GABRG3: variants seen among roughly 807,000 people sequenced by gnomAD.
GABRG3 encodes the protein gamma-aminobutyric acid type A receptor subunit gamma3, also known as gamma-aminobutyric acid receptor subunit gamma-3.
Under a neutral mutation model 48.8 loss-of-function variants are expected in GABRG3, and 25 were observed. That is an observed-to-expected ratio of 0.51 (90% CI 0.37 to 0.72). The LOEUF is 0.72. Ranked by LOEUF, GABRG3 falls within the 30% of genes least tolerant of loss-of-function variation. The pLI, the probability that GABRG3 is intolerant of heterozygous loss-of-function variation, is 0.00. For synonymous variants in GABRG3, 227 were observed against 217.6 expected, an observed-to-expected ratio of 1.04 and a Z score of -0.38; for missense variants, 394 against 577.9, an observed-to-expected ratio of 0.68 and a Z score of 3.26.
At chr15:27,527,695 T>A in intron 8 of GABRG3, 66 bp downstream of exon 8, 2 of 1,391,332 alleles carry the variant, frequency 1.4e-6, no homozygotes, top group South Asian at 1.3e-5. Context: ...AGTGTGTACT[T>A]AAATGCAGTT....
chr15:27,052,783 C>T (rs1295875854), intron 3 of GABRG3, among the ~76,000 whole-genome samples: 1 of 152,070 alleles, frequency 6.6e-6, no homozygotes, highest in Admixed American at 6.6e-5. Flanking sequence ...ACTACATTAA[C>T]CAAAATAGCA....
chr15:27,281,524 G>T (rs966057273), intron 3 of GABRG3, among the ~76,000 whole-genome samples: 1 of 150,874 alleles, frequency 6.6e-6, no homozygotes, highest in Non-Finnish European at 1.5e-5. Context: ...TTTTTAGGGG[G>T]TATATCTTTT....
intron 3 of GABRG3, among the ~76,000 whole-genome samples, chr15:27,252,244 G>A (rs1890481298): frequency 6.6e-6 from 1 of 152,168 alleles, no homozygotes; most frequent in Non-Finnish European, 1.5e-5. Flanking sequence ...TCACCGATGT[G>A]TCCCTCTGTG....
chr15:27,084,258 G>T (rs1043055365), intron 3 of GABRG3, among the ~76,000 whole-genome samples: 2 of 152,232 alleles, frequency 1.3e-5, no homozygotes, highest in African/African-American at 4.8e-5. Context: ...AAATCCTGCG[G>T]TTCTGTGTCT....
chr15:27,215,404 G>A (rs568283027), intron 3 of GABRG3, among the ~76,000 whole-genome samples: 1 of 152,262 alleles, frequency 6.6e-6, no homozygotes, highest in African/African-American at 2.4e-5. Context: ...GCCAGGATTG[G>A]AGAGAAGCAA....
chr15:27,299,168 C>T lies in GABRG3; in HGVS notation c.271-27641C>T, dbSNP rs148764763. On this transcript the variant is annotated intron_variant, in intron 3 of 9. Coordinates refer to ENST00000615808, the MANE Select transcript of GABRG3 (RefSeq NM_033223.5). ...GTGTGGTGGCAGGTGCCTGTAATCC[C>T]AGTTACTCAGGAGGCTGAGGTAGGA... Among the ~76,000 whole-genome samples the T allele has an allele frequency of 8.5e-5, 13 of 152,208 alleles. No individual in the cohort carries two copies. In the East Asian group the frequency reaches 2.5e-3, roughly 29 times the overall value.
intron 5 of GABRG3, among the ~76,000 whole-genome samples, chr15:27,388,955 C>T (rs765497123): frequency 3.3e-5 from 5 of 152,086 alleles, no homozygotes; most frequent in Non-Finnish European, 7.4e-5. Context: ...TTACACAATC[C>T]AATATATTAG....
At chr15:27,327,621 C>T (rs997814560) in intron 4 of GABRG3, among the ~76,000 whole-genome samples, 33 of 152,160 alleles carry the variant, frequency 2.2e-4, no homozygotes, top group Admixed American at 2.1e-3. Context: ...CTAGCAATGA[C>T]GGGCCCTCTG....
chr15:27,197,710 A>G (rs1003347853), intron 3 of GABRG3, among the ~76,000 whole-genome samples: 1 of 152,164 alleles, frequency 6.6e-6, no homozygotes, highest in Non-Finnish European at 1.5e-5. Flanking sequence ...TACCTCTGGT[A>G]GAACTTGGCT....
At chr15:27,492,510 C>G (rs1316383535) in intron 6 of GABRG3, among the ~76,000 whole-genome samples, 1 of 152,160 alleles carries the variant, frequency 6.6e-6, no homozygotes, top group Non-Finnish European at 1.5e-5. Flanking sequence ...GCAGTTGAGC[C>G]TGGAAGCCCT....
At chr15:27,511,113 G>A (rs1258085762) in intron 6 of GABRG3, among the ~76,000 whole-genome samples, 1 of 152,218 alleles carries the variant, frequency 6.6e-6, no homozygotes, top group Non-Finnish European at 1.5e-5. Context: ...ATCATTGACT[G>A]TAGGAAGTAA....
At chr15:27,131,680 G>A (rs771687945) in intron 3 of GABRG3, among the ~76,000 whole-genome samples, 3 of 151,656 alleles carry the variant, frequency 2.0e-5, no homozygotes, top group Non-Finnish European at 2.9e-5. Context: ...ATACTTACAC[G>A]GTAAAATGCA....
Position 27,368,590 on chromosome 15 carries a change from C to A in GABRG3, c.574+39702C>A, listed in dbSNP as rs1270598129. On this transcript the variant is annotated intron_variant, in intron 5 of 9. Transcript: ENST00000615808. Reference sequence around the variant, plus strand: ...GTAGTTTTCTGCAGCATTTCACAGACCCTCACAACACCATGTAAGTTAGGT... The same window carrying A: ...GTAGTTTTCTGCAGCATTTCACAGAACCTCACAACACCATGTAAGTTAGGT... Among the ~76,000 whole-genome samples, 4 of 152,140 alleles carry A rather than the reference C, an allele frequency of 2.6e-5. 1 individual carries two copies. In the East Asian group the frequency reaches 7.7e-4, roughly 29 times the overall value.
At chr15:27,187,256 G>T (rs959076404) in intron 3 of GABRG3, among the ~76,000 whole-genome samples, 2 of 152,014 alleles carry the variant, frequency 1.3e-5, no homozygotes, top group Non-Finnish European at 2.9e-5. Context: ...TTTATTTCTG[G>T]TTCTGTATTC....
At chr15:27,154,879 A>G (rs538794746) in intron 3 of GABRG3, among the ~76,000 whole-genome samples, 11 of 151,762 alleles carry the variant, frequency 7.2e-5, no homozygotes, top group East Asian at 1.9e-4. Flanking sequence ...TTCCTTATCT[A>G]TTTTCTGGAA....
At chr15:27,077,708 A>G (rs1896931946) in intron 3 of GABRG3, among the ~76,000 whole-genome samples, 1 of 152,216 alleles carries the variant, frequency 6.6e-6, no homozygotes, top group African/African-American at 2.4e-5. Flanking sequence ...GTGATTTGCC[A>G]GGTTTTGTAA....
chr15:27,203,480 G>C (rs1888754937), intron 3 of GABRG3, among the ~76,000 whole-genome samples: 1 of 152,134 alleles, frequency 6.6e-6, no homozygotes, highest in Admixed American at 6.5e-5. Flanking sequence ...TTTTGGCATT[G>C]TGAATAGTGC....
At chr15:26,977,637 G>C (rs1894976476) in intron 2 of GABRG3, among the ~76,000 whole-genome samples, 1 of 152,134 alleles carries the variant, frequency 6.6e-6, no homozygotes, top group Non-Finnish European at 1.5e-5. Context: ...CATTCAAGTT[G>C]TTACATGTGT....
intron 9 of GABRG3, among the ~76,000 whole-genome samples, chr15:27,530,055 C>T (rs73373615): frequency 0.017 from 2,584 of 152,202 alleles, 77 homozygotes; most frequent in African/African-American, 0.058. Context: ...GTCTGTCCTC[C>T]GGTCTGCAGC....
Sources: gnomAD v4.1 joint callset for allele counts (sites outside exome capture counted in the v4.1 genomes callset) on GRCh38, gnomAD v4.1.1 for gene constraint, MANE v1.5 for transcripts, NCBI Gene and HGNC (gene_info 2026-07-23, HGNC 2026-07-21) for gene names.